Variants in RSL1D1 observed in about 807,000 individuals in gnomAD.
RSL1D1 encodes the protein ribosomal L1 domain-containing protein 1.
In RSL1D1, 34 loss-of-function variants were observed where a neutral mutation model predicts 44.6. That is an observed-to-expected ratio of 0.76 (90% CI 0.58 to 1.02). The LOEUF (loss-of-function observed/expected upper bound fraction) is 1.02, where lower values mean the gene tolerates loss of function less well. RSL1D1 is among the 50% of genes least tolerant of loss of function. RSL1D1 has a pLI of 0.00. For synonymous variants in RSL1D1, 271 were observed against 207.4 expected, an observed-to-expected ratio of 1.31 and a Z score of -2.63; for missense variants, 767 against 568.1, an observed-to-expected ratio of 1.35 and a Z score of -3.56.
intron 2 of RSL1D1, among the ~76,000 whole-genome samples, chr16:11,848,635 T>C (rs1309082650): frequency 6.6e-6 from 1 of 152,128 alleles, no homozygotes; most frequent in Non-Finnish European, 1.5e-5. Context: ...TCCAGGCACG[T>C]ACCAGTTGGG....
At chr16:11,839,466 G>A (rs565029331) in intron 8 of RSL1D1, among the ~76,000 whole-genome samples, 3 of 149,970 alleles carry the variant, frequency 2.0e-5, no homozygotes, top group East Asian at 3.9e-4. Context: ...GCCAAGGTGG[G>A]AAGACTGTTT....
intron 2 of RSL1D1, among the ~76,000 whole-genome samples, chr16:11,849,913 G>A (rs1219524534): frequency 6.6e-6 from 1 of 152,034 alleles, no homozygotes; most frequent in African/African-American, 2.4e-5. Flanking sequence ...GTGCAATGGA[G>A]ACATCTCCGC....
intron 5 of RSL1D1, 135 bp from the exon 6 acceptor site, chr16:11,842,135 C>T (rs1002701649): frequency 8.3e-5 from 57 of 683,994 alleles, no homozygotes; most frequent in Non-Finnish European, 1.3e-4. Context: ...ATATTAATCC[C>T]GGGCAACATG....
chr16:11,841,234 CAT>C (rs980223165), intron 7 of RSL1D1, among the ~76,000 whole-genome samples: 8 of 152,110 alleles, frequency 5.3e-5, no homozygotes, highest in Middle Eastern at 3.4e-3. Flanking sequence ...ACAGGGCGAC[CAT>C]GTGTGTACAA....
Position 11,838,005 on chromosome 16 carries a change from C to A in RSL1D1, c.1255G>T (p.Ala419Ser). The A allele has an allele frequency of 6.2e-7, 1 of 1,613,930 alleles. No homozygotes were observed. Among genetic ancestry groups the A allele is most frequent in the Non-Finnish European group, 8.5e-7 (1 of 1,180,010 alleles). ...ALPASETPKAAESETPGKSPE... is the reference protein window; with the variant it reads ...ALPASETPKASESETPGKSPE... ...CTTTTCCCTGGGGTCTCAGACTCTG[C>A]AGCTTTTGGGGTCTCAGATGCTGGC... is the stretch of plus-strand genomic sequence containing the variant. The change falls in exon 9 of 9, where the codon GCA becomes TCA. Residue 419 changes from alanine to serine, a missense_variant. Ala to Ser is a moderately conservative substitution (Grantham distance 99). Transcript: ENST00000571133.
chr16:11,842,032 T>A (rs759285485), intron 5 of RSL1D1, 32 bp from the exon 6 acceptor site: 13 of 1,478,972 alleles, frequency 8.8e-6, no homozygotes, highest in African/African-American at 7.1e-5. Context: ...GACAAGATTT[T>A]AAAAAACCAT....
At chr16:11,838,533 TATG>T (rs889481155) in intron 8 of RSL1D1, among the ~76,000 whole-genome samples, 1 of 151,972 alleles carries the variant, frequency 6.6e-6, no homozygotes, top group Non-Finnish European at 1.5e-5. Context: ...TACACCTCAG[TATG>T]ATGACAGAAA....
chr16:11,848,866 C>G (rs971833474), intron 2 of RSL1D1, among the ~76,000 whole-genome samples: 1 of 151,734 alleles, frequency 6.6e-6, no homozygotes, highest in Non-Finnish European at 1.5e-5. Context: ...CAACCTCTGC[C>G]TCCTGGGTTC....
At position 11,851,496 on chromosome 16, in the gene RSL1D1, G is replaced by C. The variant is rs771991413; in HGVS notation, c.17C>G (p.Ser6Trp). Residue 6 changes from serine to tryptophan, a missense_variant, in exon 1 of 9, where the codon TCG becomes TGG. Physicochemically the swap from Ser to Trp is radical, Grantham distance 177. Transcript: ENST00000571133. Reference protein sequence around the residue: MEDSASASLSSAAATG... With the variant: MEDSAWASLSSAAATG... ...AGCGGCTGCAGAAGACAGCGAGGCC[G>C]AGGCCGAATCCTCCATCTTGTTTCC... The C allele has an allele frequency of 2.5e-6, 4 of 1,613,834 alleles. No individual in the cohort carries two copies. The highest frequency in any genetic ancestry group is 4.5e-5 in the East Asian group (2 of 44,882).
intron 5 of RSL1D1, 112 bp from the exon 6 acceptor site, chr16:11,842,112 T>A (rs926479984): frequency 2.5e-6 from 2 of 794,430 alleles, no homozygotes; most frequent in African/African-American, 1.7e-5. Context: ...CTTTTTCTTT[T>A]AAAAAGGTAG....
rs1176600507 is a variant in RSL1D1 at position 11,850,196 on chromosome 16, A to G, written c.245+83T>C. Reference sequence around the variant, plus strand: ...TTTATTATAAGTTTGCAAAGTTTCCATTAGTAACCATGATGCAATTGTTCG... The same window carrying G: ...TTTATTATAAGTTTGCAAAGTTTCCGTTAGTAACCATGATGCAATTGTTCG... On this transcript the variant is annotated intron_variant, in intron 2 of 8. Transcript: ENST00000571133. 4 of 1,339,906 alleles carry G rather than the reference A, an allele frequency of 3.0e-6. No homozygotes were observed. In the African/African-American group the frequency reaches 6.0e-5, roughly 20 times the overall value. The allele number at this position is 1,339,906 out of a possible 1,614,324, so 83.0% of individuals were successfully genotyped here. A position where few individuals can be genotyped will look rare whatever the true frequency, so the allele number is the denominator to read the frequency against.
Position 11,842,394 on chromosome 16 carries a change from T to C in RSL1D1, c.636-394A>G, listed in dbSNP as rs1327961243. On this transcript the variant is annotated intron_variant, in intron 5 of 8. Coordinates refer to ENST00000571133, the MANE Select transcript of RSL1D1 (RefSeq NM_015659.3). The stretch of plus-strand genomic sequence containing the variant: ...CATTAAAATCTTTAGGTTCTAAATA[T>C]ATTTTATTTCATTTTTGAGACAGGG... 2.0e-5 allele frequency among the ~76,000 whole-genome samples: 3 copies of C among 152,090 alleles called. 1 individual carries two copies. The highest frequency in any genetic ancestry group is 7.2e-5 in the African/African-American group (3 of 41,410).
intron 8 of RSL1D1, 54 bp downstream of exon 8, chr16:11,839,641 G>C: frequency 6.3e-7 from 1 of 1,594,178 alleles, no homozygotes; most frequent in Admixed American, 1.7e-5. Flanking sequence ...GTACCTGCCT[G>C]ACACAGTAGC....
intron 5 of RSL1D1, among the ~76,000 whole-genome samples, chr16:11,842,693 G>T (rs72782755): frequency 0.051 from 7,696 of 151,720 alleles, 325 homozygotes; most frequent in Non-Finnish European, 0.072. Context: ...TTTAAAGGAA[G>T]ATTATCATCT....
intron 7 of RSL1D1, among the ~76,000 whole-genome samples, chr16:11,840,558 A>G (rs2053758159): frequency 6.6e-6 from 1 of 152,004 alleles, no homozygotes; most frequent in Admixed American, 6.6e-5. Context: ...ACAGAGTGAA[A>G]CTCTGTCTCA....
chr16:11,847,621 G>A lies in RSL1D1; in HGVS notation c.384+47C>T, dbSNP rs60133341. 2.2e-3 allele frequency: 3,359 copies of A among 1,504,294 alleles called. 67 individuals carry two copies. The African/African-American group carries it at 0.043, about 19-fold the overall frequency. 93.2% of individuals were successfully genotyped at this position (1,504,294 alleles called of 1,614,324 possible). On this transcript the variant is annotated intron_variant, in intron 3 of 8. Transcript: ENST00000571133. ...ATGTATTTGTGATACCATTTCGCCTGAATTAAATCCTCTAAATAACTTGAA... is the reference window on the plus strand; with the variant it reads ...ATGTATTTGTGATACCATTTCGCCTAAATTAAATCCTCTAAATAACTTGAA...
In RSL1D1 at chr16:11,841,827, CAAAGA is replaced by C. The variant is rs367971645; in HGVS notation, c.730-12_730-8del. 0.012 allele frequency: 19,168 copies of C among 1,612,772 alleles called. 146 individuals carry two copies. Among genetic ancestry groups the C allele is most frequent in the South Asian group, 0.017 (1,568 of 90,696 alleles). On this transcript the variant is annotated splice_polypyrimidine_tract_variant and splice_region_variant and intron_variant, in intron 6 of 8. Coordinates refer to ENST00000571133, the MANE Select transcript of RSL1D1 (RefSeq NM_015659.3). ...GTTTCACGCTCTCCCACTTCTGAAA[CAAAGA>C]AAAGAGTAACATCGTCTACATATAC...
At chr16:11,839,563 A>T in intron 8 of RSL1D1, 132 bp downstream of exon 8, 5 of 1,120,966 alleles carry the variant, frequency 4.5e-6, no homozygotes, top group Non-Finnish European at 6.1e-6. Context: ...ATAAATCATG[A>T]TATGATAACC....
In RSL1D1 at chr16:11,834,889, G is replaced by A. The variant is rs909481774; in HGVS notation, c.*2898C>T. 6.6e-6 allele frequency: 1 copy of A among 152,154 alleles called. No homozygotes were observed. Among genetic ancestry groups the A allele is most frequent in the Non-Finnish European group, 1.5e-5 (1 of 68,030 alleles). The allele number at this position is 152,154 out of a possible 1,614,324, so 9.4% of individuals were successfully genotyped here. A position where few individuals can be genotyped will look rare whatever the true frequency, so the allele number is the denominator to read the frequency against. On this transcript the variant is annotated 3_prime_UTR_variant, in exon 9 of 9. Coordinates refer to ENST00000571133, the MANE Select transcript of RSL1D1 (RefSeq NM_015659.3). ...AACATTTTGGGAGGCTGAGGCAGGA[G>A]GACTTGAGCCCAGGAGTTCGAGCCC...
Sources: gnomAD v4.1 joint callset for allele counts (sites outside exome capture counted in the v4.1 genomes callset) on GRCh38, gnomAD v4.1.1 for gene constraint, MANE v1.5 for transcripts, NCBI Gene and HGNC (gene_info 2026-07-23, HGNC 2026-07-21) for gene names.